FSHR: variants seen among roughly 807,000 people sequenced by gnomAD.
The protein encoded by FSHR is follicle stimulating hormone receptor, also known as follicle-stimulating hormone receptor.
A neutral mutation model predicts 52.1 loss-of-function variants in FSHR; 46 were observed. The ratio of observed to expected loss-of-function variants is 0.88; its 90% CI spans 0.70 to 1.13. FSHR has a LOEUF of 1.13. FSHR is among the 50% of genes most tolerant of loss of function. The pLI is 0.00. For missense variants in FSHR, 964 were observed against 834.6 expected (o/e 1.16, Z -1.91); for synonymous variants, 399 against 309.6 (o/e 1.29, Z -3.03).
At chr2:49,048,154 G>C (rs1262664737) in intron 2 of FSHR, among the ~76,000 whole-genome samples, 2 of 152,026 alleles carry the variant, frequency 1.3e-5, no homozygotes, top group Admixed American at 6.6e-5. Flanking sequence ...CCAAAATGCT[G>C]GGATTACAGA....
At chr2:49,041,154 C>T (rs779834531) in intron 2 of FSHR, among the ~76,000 whole-genome samples, 11 of 152,170 alleles carry the variant, frequency 7.2e-5, no homozygotes. Flanking sequence ...TTCTTTGAAA[C>T]TCTAATTAAA....
chr2:49,097,117 G>T (rs1375634673), intron 1 of FSHR, among the ~76,000 whole-genome samples: 1 of 152,118 alleles, frequency 6.6e-6, no homozygotes, highest in Non-Finnish European at 1.5e-5. Flanking sequence ...TTTCTGATGA[G>T]GAATCCATGG....
chr2:48,971,877 G>C (rs2104018176), intron 8 of FSHR, among the ~76,000 whole-genome samples: 1 of 152,172 alleles, frequency 6.6e-6, no homozygotes, highest in Admixed American at 6.5e-5. Context: ...TTATTTGCTG[G>C]TTCCTCCATG....
intron 2 of FSHR, among the ~76,000 whole-genome samples, chr2:49,056,275 A>G (rs1669059060): frequency 6.6e-6 from 1 of 151,932 alleles, no homozygotes; most frequent in South Asian, 2.1e-4. Context: ...ATAGACTGAA[A>G]TTGAAAGGAT....
chr2:48,999,036 G>A (rs932486673), intron 4 of FSHR, among the ~76,000 whole-genome samples: 2 of 151,862 alleles, frequency 1.3e-5, no homozygotes, highest in Non-Finnish European at 2.9e-5. Flanking sequence ...GTGTTTGTTC[G>A]CTGATGGGGT....
rs1469231966 is a variant in FSHR at position 48,963,885 on chromosome 2, G to A, written c.936C>T (p.Ser312=). Residue 312 remains serine, a synonymous_variant, in exon 10 of 10, where the codon TCC becomes TCT. Coordinates refer to ENST00000406846, the MANE Select transcript of FSHR (RefSeq NM_000145.4). The part of the protein sequence containing the change: ...DYMTQARGQR[S]SLAEDNESSY... Reference sequence around the variant, plus strand: ...TGGACTCATTGTCTTCTGCCAGAGAGGATCTCTGACCCCTAGCCTGAGTCA... The same window carrying A: ...TGGACTCATTGTCTTCTGCCAGAGAAGATCTCTGACCCCTAGCCTGAGTCA... 2.5e-6 allele frequency: 4 copies of A among 1,613,356 alleles called. No homozygotes were observed. Among genetic ancestry groups the A allele is most frequent in the Non-Finnish European group, 3.4e-6 (4 of 1,179,464 alleles).
Position 49,016,626 on chromosome 2 carries a change from G to A in FSHR, c.374+863C>T, listed in dbSNP as rs531384854. The stretch of plus-strand genomic sequence containing the variant: ...TATAAATGAACTTAGCTGAGGTCAG[G>A]CAGACCTAGTCCAGATCAGCAGAAC... On this transcript the variant is annotated intron_variant, in intron 4 of 9. Coordinates refer to ENST00000406846, the MANE Select transcript of FSHR (RefSeq NM_000145.4). Among the ~76,000 whole-genome samples, 11 of 152,270 alleles carry A rather than the reference G, an allele frequency of 7.2e-5. No individual in the cohort carries two copies. In the East Asian group the frequency reaches 2.1e-3, roughly 29 times the overall value.
At chr2:49,009,060 T>C (rs1398216484) in intron 4 of FSHR, among the ~76,000 whole-genome samples, 1 of 151,160 alleles carries the variant, frequency 6.6e-6, no homozygotes. Context: ...TTTTGGCTTT[T>C]GTTGCCATTG....
intron 9 of FSHR, among the ~76,000 whole-genome samples, chr2:48,966,560 G>T (rs1674486378): frequency 6.6e-6 from 1 of 151,998 alleles, no homozygotes; most frequent in Non-Finnish European, 1.5e-5. Flanking sequence ...TTACACTCTG[G>T]GCATTATTTC....
At chr2:49,140,278 G>C (rs1672632982) in intron 1 of FSHR, among the ~76,000 whole-genome samples, 1 of 152,044 alleles carries the variant, frequency 6.6e-6, no homozygotes, top group African/African-American at 2.4e-5. Flanking sequence ...ACACAAATCT[G>C]GTCGTTTGAA....
chr2:48,991,022 GATTCT>G (rs1559108885), intron 4 of FSHR, among the ~76,000 whole-genome samples: 1 of 152,066 alleles, frequency 6.6e-6, no homozygotes, highest in African/African-American at 2.4e-5. Context: ...CACTCCAAGC[GATTCT>G]CTTGGGATTA....
intron 1 of FSHR, among the ~76,000 whole-genome samples, chr2:49,117,390 A>T (rs57051560): frequency 6.6e-6 from 1 of 152,066 alleles, no homozygotes; most frequent in African/African-American, 2.4e-5. Context: ...CTTTGGCTCT[A>T]CTATCAGGAT....
chr2:49,031,135 G>T (rs1250982477), intron 2 of FSHR, among the ~76,000 whole-genome samples: 2 of 152,160 alleles, frequency 1.3e-5, no homozygotes, highest in African/African-American at 4.8e-5. Flanking sequence ...TAAAAACTTA[G>T]AGAGTAGCAA....
intron 1 of FSHR, among the ~76,000 whole-genome samples, chr2:49,127,568 T>C (rs1022370969): frequency 3.3e-5 from 5 of 151,472 alleles, no homozygotes; most frequent in Admixed American, 3.3e-4. Context: ...CACAAATACA[T>C]CTCTTCCCTT....
At chr2:49,129,968 A>C (rs1343736525) in intron 1 of FSHR, among the ~76,000 whole-genome samples, 3 of 152,118 alleles carry the variant, frequency 2.0e-5, no homozygotes, top group African/African-American at 4.8e-5. Context: ...CAATTTCCTT[A>C]ACATGTTTTA....
chr2:49,137,252 A>G (rs533077510), intron 1 of FSHR, among the ~76,000 whole-genome samples: 1 of 152,132 alleles, frequency 6.6e-6, no homozygotes, highest in African/African-American at 2.4e-5. Flanking sequence ...TTCATTCATG[A>G]TAGTATTATA....
intron 4 of FSHR, among the ~76,000 whole-genome samples, chr2:48,995,010 T>C (rs1675959146): frequency 6.6e-6 from 1 of 152,138 alleles, no homozygotes; most frequent in East Asian, 1.9e-4. Flanking sequence ...CATAGGATAA[T>C]ATGCTTGCCT....
chr2:49,065,984 G>A (rs1669489387), intron 2 of FSHR, among the ~76,000 whole-genome samples: 1 of 152,090 alleles, frequency 6.6e-6, no homozygotes, highest in African/African-American at 2.4e-5. Context: ...AGAGGATAAA[G>A]TAGAATTCAC....
chr2:49,058,061 A>G (rs752686018), intron 2 of FSHR, among the ~76,000 whole-genome samples: 2 of 152,188 alleles, frequency 1.3e-5, no homozygotes, highest in African/African-American at 2.4e-5. Context: ...AGCTAATATC[A>G]TGTGGATTGA....
Sources: allele counts gnomAD v4.1 joint callset (sites outside exome capture counted in the v4.1 genomes callset), GRCh38; gene constraint gnomAD v4.1.1; transcripts MANE v1.5; gene names NCBI Gene and HGNC (gene_info 2026-07-23, HGNC 2026-07-21).